The following ELAVL2 variants were observed in gnomAD, a reference collection of about 807,000 sequenced individuals.
The protein encoded by ELAVL2 is ELAV like RNA binding protein 2.
ELAVL2 carries 4 observed loss-of-function variants against 34.6 expected under a neutral mutation model. The ratio of observed to expected loss-of-function variants is 0.12; its 90% CI spans 0.06 to 0.26. The LOEUF is 0.26. Ranked by LOEUF, ELAVL2 falls within the 10% of genes least tolerant of loss-of-function variation. The pLI, the probability that ELAVL2 is intolerant of heterozygous loss-of-function variation, is 1.00. For missense variants in ELAVL2, 432 were observed against 442.8 expected (o/e 0.98, Z 0.22); for synonymous variants, 193 against 154.8 (o/e 1.25, Z -1.83).
At chr9:23,709,505 C>A (rs1405846550) in intron 3 of ELAVL2, among the ~76,000 whole-genome samples, 6 of 151,962 alleles carry the variant, frequency 3.9e-5, no homozygotes. Context: ...TATGCACCTA[C>A]AGAATCATAC....
At chr9:23,793,698 G>A (rs1285014695) in intron 1 of ELAVL2, among the ~76,000 whole-genome samples, 2 of 152,104 alleles carry the variant, frequency 1.3e-5, no homozygotes, top group Admixed American at 1.3e-4. Context: ...ACAAAACACA[G>A]TAATATACTA....
chr9:23,761,872 G>A (rs2055095807), intron 2 of ELAVL2, 134 bp downstream of exon 2: 2 of 1,204,122 alleles, frequency 1.7e-6, no homozygotes, highest in Admixed American at 6.2e-5. Context: ...TCATATTGCT[G>A]ATGTAATAAC....
chr9:23,757,294 T>C (rs1426146986), intron 2 of ELAVL2, among the ~76,000 whole-genome samples: 9 of 152,134 alleles, frequency 5.9e-5, no homozygotes, highest in Admixed American at 5.2e-4. Context: ...AATTCATCAG[T>C]TGGCCATTTG....
chr9:23,849,555 A>C, the ELAVL2 span: 1 of 152,202 alleles, frequency 6.6e-6, no homozygotes, highest in Non-Finnish European at 1.5e-5. Context: ...TGCCGAGTTC[A>C]GGAAGTCAGA....
At chr9:23,708,016 C>A (rs1348804198) in intron 3 of ELAVL2, among the ~76,000 whole-genome samples, 1 of 151,616 alleles carries the variant, frequency 6.6e-6, no homozygotes. Context: ...TATATAAAGG[C>A]TTTGAAAACA....
At chr9:23,733,315 G>A (rs998383850) in intron 2 of ELAVL2, among the ~76,000 whole-genome samples, 20 of 151,990 alleles carry the variant, frequency 1.3e-4, no homozygotes, top group Non-Finnish European at 2.5e-4. Context: ...TACATTGGCT[G>A]GGCCATGCTT....
intron 3 of ELAVL2, among the ~76,000 whole-genome samples, chr9:23,729,929 A>C (rs1001390754): frequency 2.6e-5 from 4 of 152,172 alleles, no homozygotes; most frequent in Admixed American, 6.6e-5. Flanking sequence ...CAAGATGGAT[A>C]CTACAGTCAG....
the ELAVL2 span, among the ~76,000 whole-genome samples, chr9:23,835,145 A>G: frequency 6.6e-6 from 1 of 152,108 alleles, no homozygotes. Context: ...GTTAGGCTCA[A>G]ACATTAGTGT....
chr9:23,830,150 A>C (rs763252845), upstream of ELAVL2: 2 of 152,200 alleles, frequency 1.3e-5, no homozygotes, highest in Non-Finnish European at 2.9e-5. Context: ...CAGAGTTTTT[A>C]ATCCTCGAAT....
intron 1 of ELAVL2, among the ~76,000 whole-genome samples, chr9:23,815,798 A>G (rs897656377): frequency 1.4e-5 from 2 of 146,416 alleles, no homozygotes; most frequent in Non-Finnish European, 3.0e-5. Flanking sequence ...TACTGAGACA[A>G]CTCAGCAAAT....
chr9:23,821,476 G>A lies in ELAVL2; in HGVS notation c.-16+4330C>T, dbSNP rs145412049. ...CCACCAGTGTTCCCGCCCAGAGTTC[G>A]GACTAGGGCGCACCACCCCTACCCT... On this transcript the variant is annotated intron_variant, in intron 1 of 6. Transcript: ENST00000397312. 596 of 152,328 alleles carry A rather than the reference G, an allele frequency of 3.9e-3. 4 individuals carry two copies. Among genetic ancestry groups the A allele is most frequent in the Non-Finnish European group, 6.2e-3 (423 of 68,144 alleles). 9.4% of individuals were successfully genotyped at this position (152,328 alleles called of 1,614,324 possible).
intron 5 of ELAVL2, among the ~76,000 whole-genome samples, chr9:23,694,877 T>C (rs1457473519): frequency 6.6e-6 from 1 of 152,120 alleles, no homozygotes; most frequent in African/African-American, 2.4e-5. Flanking sequence ...GTGGTGCGTG[T>C]GTGTGTGTGC....
chr9:23,844,006 A>G, the ELAVL2 span, among the ~76,000 whole-genome samples: 1 of 152,098 alleles, frequency 6.6e-6, no homozygotes, highest in Non-Finnish European at 1.5e-5. Flanking sequence ...TGTAAAGACA[A>G]GAAAAATATA....
intron 1 of ELAVL2, among the ~76,000 whole-genome samples, chr9:23,767,541 G>C (rs1435157881): frequency 6.6e-6 from 1 of 152,170 alleles, no homozygotes; most frequent in African/African-American, 2.4e-5. Context: ...AGCACTTTGG[G>C]AGGCTGAGGT....
chr9:23,850,120 T>TG, the ELAVL2 span, among the ~76,000 whole-genome samples: 1 of 142,704 alleles, frequency 7.0e-6, no homozygotes, highest in Non-Finnish European at 1.5e-5. Flanking sequence ...GGGGTGGGGG[T>TG]GGAAAAAGCC....
intron 1 of ELAVL2, among the ~76,000 whole-genome samples, chr9:23,816,953 T>A (rs1363001002): frequency 6.6e-6 from 1 of 152,132 alleles, no homozygotes; most frequent in Admixed American, 6.5e-5. Flanking sequence ...TGTATTAGAT[T>A]GGCCAACGGA....
At chr9:23,782,926 C>G (rs1480016299) in intron 1 of ELAVL2, among the ~76,000 whole-genome samples, 4 of 152,144 alleles carry the variant, frequency 2.6e-5, no homozygotes, top group African/African-American at 9.7e-5. Flanking sequence ...CTTTGATAGC[C>G]TCTTCTCTTT....
chr9:23,734,844 C>G (rs1467947485), intron 2 of ELAVL2, among the ~76,000 whole-genome samples: 1 of 151,748 alleles, frequency 6.6e-6, no homozygotes, highest in Non-Finnish European at 1.5e-5. Flanking sequence ...CCTTACCTAC[C>G]CTTTTCCCAC....
intron 1 of ELAVL2, among the ~76,000 whole-genome samples, chr9:23,771,801 T>A (rs1356723052): frequency 6.6e-6 from 1 of 152,130 alleles, no homozygotes; most frequent in East Asian, 1.9e-4. Flanking sequence ...GGAGTAAACT[T>A]TAAAATCTGT....
Sources: gnomAD v4.1 joint callset for allele counts (sites outside exome capture counted in the v4.1 genomes callset) on GRCh38, gnomAD v4.1.1 for gene constraint, MANE v1.5 for transcripts, NCBI Gene and HGNC (gene_info 2026-07-23, HGNC 2026-07-21) for gene names.